Variants in FERMT3 observed in about 807,000 individuals in gnomAD.
FERMT3 encodes the protein fermitin family homolog 3.
FERMT3 carries 33 observed loss-of-function variants against 80.8 expected under a neutral mutation model. The observed-to-expected ratio is 0.41, with a 90% confidence interval of 0.31 to 0.55. FERMT3 has a LOEUF of 0.55. FERMT3 is among the 20% of genes least tolerant of loss of function. The pLI is 0.31. For missense variants in FERMT3, 754 were observed against 908.7 expected, an observed-to-expected ratio of 0.83 and a Z score of 2.19; for synonymous variants, 375 against 372.2, an observed-to-expected ratio of 1.01 and a Z score of -0.09.
At chr11:64,218,790 A>G (rs940534624) in intron 6 of FERMT3, among the ~76,000 whole-genome samples, 8 of 151,600 alleles carry the variant, frequency 5.3e-5, no homozygotes, top group African/African-American at 1.2e-4. Flanking sequence ...CATCCTTCCT[A>G]TCTCTACTCA....
At position 64,219,234 on chromosome 11, in the gene FERMT3, C is replaced by CTCTCCCCCCGCTCCA; in HGVS notation, c.787-16_787-2dup. On this transcript the variant is annotated splice_polypyrimidine_tract_variant and intron_variant, in intron 6 of 14. Transcript: ENST00000345728. The surrounding 1 kb of genome is among the most constrained non-coding windows in gnomAD (Gnocchi z 4.0). The stretch of plus-strand genomic sequence containing the variant: ...TCTGACCAGCCCAGCCTCCAGCCTC[C>CTCTCCCCCCGCTCCA]TCTCCCCCCGCTCCAGACAGACCCC... 6.4e-7 allele frequency: 1 copy of CTCTCCCCCCGCTCCA among 1,568,072 alleles called. No individual in the cohort carries two copies. The highest frequency in any genetic ancestry group is 8.6e-7 in the Non-Finnish European group (1 of 1,157,216).
In FERMT3 at chr11:64,211,359, G is replaced by A. The variant is rs775750630; in HGVS notation, c.599G>A (p.Arg200Gln). The change falls in exon 5 of 15, where the codon CGG becomes CAG. Residue 200 changes from arginine (R) to glutamine (Q), a missense_variant. Physicochemically the swap from Arg to Gln is conservative, Grantham distance 43. Coordinates refer to ENST00000345728, the MANE Select transcript of FERMT3 (RefSeq NM_031471.6). This position sits in a 1 kb window ranked among gnomAD's most constrained non-coding sequence, Gnocchi z 4.7. ...GAGGCCTGCTACCACATGCTGAGCC[G>A]GCCCCAGCCGCCACCCGACCCCCTC... is the stretch of plus-strand genomic sequence containing the variant. Reference protein sequence around the residue: ...QTEACYHMLSRPQPPPDPLLL... With the variant: ...QTEACYHMLSQPQPPPDPLLL... 12 of 1,610,988 alleles carry A rather than the reference G, an allele frequency of 7.4e-6. No homozygotes were observed. Among genetic ancestry groups the A allele is most frequent in the East Asian group, 6.7e-5 (3 of 44,792 alleles).
intron 6 of FERMT3, among the ~76,000 whole-genome samples, chr11:64,212,677 TGCC>T (rs1246042025): frequency 1.3e-5 from 2 of 151,806 alleles, no homozygotes; most frequent in Non-Finnish European, 2.9e-5. Flanking sequence ...CAAGCCACTC[TGCC>T]AGGCTCTGTG....
rs550678247 is a variant in FERMT3 at position 64,223,259 on chromosome 11, G to A, written c.1813-54G>A. 629 of 1,612,868 alleles carry A rather than the reference G, an allele frequency of 3.9e-4. 3 individuals are homozygous for A. Among genetic ancestry groups the A allele is most frequent in the Non-Finnish European group, 2.6e-4 (301 of 1,179,956 alleles). On this transcript the variant is annotated intron_variant, in intron 14 of 14. Coordinates refer to ENST00000345728, the MANE Select transcript of FERMT3 (RefSeq NM_031471.6). ...CGGAGCTGGATCCAGCCAGGGTGGG[G>A]CAGGGGCTGCTCCCTTATCCCACCC...
chr11:64,208,160 G>A (rs1307838245), intron 2 of FERMT3, among the ~76,000 whole-genome samples: 2 of 151,842 alleles, frequency 1.3e-5, no homozygotes, highest in Admixed American at 6.6e-5. Context: ...GTGGGGGGTG[G>A]GTGATGGTGG....
intron 12 of FERMT3, 168 bp from the exon 13 acceptor site, chr11:64,220,848 T>C (rs1946665884): frequency 4.3e-6 from 6 of 1,384,768 alleles, no homozygotes; most frequent in East Asian, 4.7e-5. Flanking sequence ...CAGGTGCCCA[T>C]GTCCACCTTG....
intron 6 of FERMT3, among the ~76,000 whole-genome samples, chr11:64,218,023 T>G (rs34953257): frequency 7.2e-6 from 1 of 139,640 alleles, no homozygotes; most frequent in African/African-American, 2.6e-5. Context: ...TTTTTTTTTG[T>G]GACGGAGTCT....
rs550347102 is a variant in FERMT3 at position 64,214,905 on chromosome 11, C to T, written c.786+3158C>T. 6.2e-3 allele frequency among the ~76,000 whole-genome samples: 933 copies of T among 151,514 alleles called. 6 individuals are homozygous for T. Among genetic ancestry groups the T allele is most frequent in the South Asian group, 0.014 (68 of 4,790 alleles). ...GCAACCTCTGCCTCCTGGGTTCACG[C>T]GATTCTCCTGCCTCAGCCTCCCACA... On this transcript the variant is annotated intron_variant, in intron 6 of 14. Coordinates refer to ENST00000345728, the MANE Select transcript of FERMT3 (RefSeq NM_031471.6).
At chr11:64,220,367 T>TGGGGCA (rs763643802) in intron 11 of FERMT3, 41 bp downstream of exon 11, 7 of 1,609,044 alleles carry the variant, frequency 4.4e-6, no homozygotes, top group Non-Finnish European at 4.2e-6. Context: ...GGGCAGGAGC[T>TGGGGCA]GGGGCAGGGG....
chr11:64,211,636 G>T lies in FERMT3; in HGVS notation c.684-9G>T, dbSNP rs765206442. On this transcript the variant is annotated splice_polypyrimidine_tract_variant and intron_variant, in intron 5 of 14. Transcript: ENST00000345728. This position sits in a 1 kb window ranked among gnomAD's most constrained non-coding sequence, Gnocchi z 4.7. ...CGCAGCCCTGACTGCTGCTTCTGCC[G>T]CGGCCCAGGTGGCTGGACTCGTCGC... The T allele has an allele frequency of 8.1e-6, 13 of 1,613,190 alleles. No individual in the cohort carries two copies. Among genetic ancestry groups the T allele is most frequent in the Non-Finnish European group, 1.0e-5 (12 of 1,179,930 alleles).
intron 6 of FERMT3, among the ~76,000 whole-genome samples, chr11:64,215,088 G>T (rs1205543506): frequency 6.6e-6 from 1 of 152,198 alleles, no homozygotes; most frequent in Non-Finnish European, 1.5e-5. Context: ...GGGATTACAG[G>T]CATGAGCCAC....
At chr11:64,212,335 C>T (rs1278512291) in intron 6 of FERMT3, among the ~76,000 whole-genome samples, 2 of 152,252 alleles carry the variant, frequency 1.3e-5, no homozygotes, top group Non-Finnish European at 2.9e-5. Flanking sequence ...CCTGTAGGCC[C>T]CACCTCTCTG....
chr11:64,206,563 T>C (rs953453275), upstream of FERMT3: 1 of 152,380 alleles, frequency 6.6e-6, no homozygotes, highest in African/African-American at 2.4e-5. Context: ...TAAGCCCCGC[T>C]CTCCCTAGCT....
At position 64,219,810 on chromosome 11, in the gene FERMT3, G is replaced by C. The variant is rs772877647; in HGVS notation, c.1079+21G>C. The C allele has an allele frequency of 5.0e-6, 8 of 1,613,964 alleles. No homozygotes were observed. Among genetic ancestry groups the C allele is most frequent in the Non-Finnish European group, 6.8e-6 (8 of 1,180,048 alleles). ...TTTCGGTGAGTTGGGGGCCAGAGTAGGCAGCCCTGCTGGAGGGGTTGGTCT... is the reference window on the plus strand; with the variant it reads ...TTTCGGTGAGTTGGGGGCCAGAGTACGCAGCCCTGCTGGAGGGGTTGGTCT... On this transcript the variant is annotated intron_variant, in intron 9 of 14. Coordinates refer to ENST00000345728, the MANE Select transcript of FERMT3 (RefSeq NM_031471.6). This position sits in a 1 kb window ranked among gnomAD's most constrained non-coding sequence, Gnocchi z 4.0.
At position 64,210,449 on chromosome 11, in the gene FERMT3, T is replaced by G. The variant is rs1946410632; in HGVS notation, c.161-162T>G. On this transcript the variant is annotated intron_variant, in intron 2 of 14. Transcript: ENST00000345728. The surrounding 1 kb of genome is among the most constrained non-coding windows in gnomAD (Gnocchi z 4.3). ...GGCTGCCTGCAGAGAGCCCTGCTGC[T>G]GTTACCATGGGGTAGACCCCAGGCC... Among the ~76,000 whole-genome samples, 1 of 152,194 alleles carries G rather than the reference T, an allele frequency of 6.6e-6. No individual in the cohort carries two copies. Among genetic ancestry groups the G allele is most frequent in the Non-Finnish European group, 1.5e-5 (1 of 68,018 alleles).
intron 2 of FERMT3, chr11:64,207,858 C>G: frequency 4.3e-6 from 1 of 235,260 alleles, no homozygotes; most frequent in Non-Finnish European, 8.4e-6. Flanking sequence ...TCTAGGTGAC[C>G]CAGGGGCCTG....
rs1208600897 is a variant in FERMT3, at chr11:64,219,563, G to A, written c.934G>A (p.Glu312Lys). 3.1e-6 allele frequency: 5 copies of A among 1,611,848 alleles called. No homozygotes were observed. Among genetic ancestry groups the A allele is most frequent in the Non-Finnish European group, 3.4e-6 (4 of 1,179,742 alleles). The stretch of plus-strand genomic sequence containing the variant: ...GCTGTCCCAGAGCGGGGAGGTGGGG[G>A]AGCCGGCTGGCACAGACCCAGGGCT... ...NKLSQSGEVG[E>K]PAGTDPGLDD... Residue 312 changes from glutamate to lysine, a missense_variant, in exon 8 of 15, where the codon GAG (glutamate) becomes AAG (lysine). Coordinates refer to ENST00000345728, the MANE Select transcript of FERMT3 (RefSeq NM_031471.6). The surrounding 1 kb of genome is among the most constrained non-coding windows in gnomAD (Gnocchi z 4.0).
Position 64,219,697 on chromosome 11 carries a change from CTG to C in FERMT3, c.1030-40_1030-39del. On this transcript the variant is annotated intron_variant, in intron 8 of 14. Transcript: ENST00000345728. The surrounding 1 kb of genome is among the most constrained non-coding windows in gnomAD (Gnocchi z 4.0). ...CAGGGCAGGGGCTGGGCAGGGAGAACTGTGAGGTACCGGGTGCCCCTCTGACT... is the reference window on the plus strand; with the variant it reads ...CAGGGCAGGGGCTGGGCAGGGAGAACTGAGGTACCGGGTGCCCCTCTGACT... The C allele has an allele frequency of 6.2e-7, 1 of 1,613,620 alleles. No homozygotes were observed.
Position 64,211,848 on chromosome 11 carries a change from G to C in FERMT3, c.786+101G>C, listed in dbSNP as rs1349738994. ...GGATGTTAGTGACTTGTAGTGGCCTGTCCGTCTGCCCGTTTGTCCATCCAC... is the reference window on the plus strand; with the variant it reads ...GGATGTTAGTGACTTGTAGTGGCCTCTCCGTCTGCCCGTTTGTCCATCCAC... On this transcript the variant is annotated intron_variant, in intron 6 of 14. Coordinates refer to ENST00000345728, the MANE Select transcript of FERMT3 (RefSeq NM_031471.6). The surrounding 1 kb of genome is among the most constrained non-coding windows in gnomAD (Gnocchi z 4.7). 8.7e-7 allele frequency: 1 copy of C among 1,146,082 alleles called. No homozygotes were observed. The highest frequency in any genetic ancestry group is 1.3e-6 in the Non-Finnish European group (1 of 767,654). The allele number at this position is 1,146,082 out of a possible 1,614,324, so 71.0% of individuals were successfully genotyped here.
Sources: allele counts gnomAD v4.1 joint callset (sites outside exome capture counted in the v4.1 genomes callset), GRCh38; gene constraint gnomAD v4.1.1; non-coding constraint Gnocchi (gnomAD v3.1); transcripts MANE v1.5; gene names NCBI Gene and HGNC (gene_info 2026-07-23, HGNC 2026-07-21).